GPATCH8: variants seen among roughly 807,000 people sequenced by gnomAD.
GPATCH8 encodes the protein G-patch domain containing 8.
In GPATCH8, 18 loss-of-function variants were observed where a neutral mutation model predicts 118.3. The ratio of observed to expected loss-of-function variants is 0.15; its 90% confidence interval spans 0.11 to 0.23. The LOEUF is 0.23. GPATCH8 is among the 10% of genes least tolerant of loss of function. The probability of loss-of-function intolerance (pLI) is 1.00; values close to 1 mark genes in which losing one functional copy is unlikely to be tolerated. For missense variants in GPATCH8, 1,631 were observed against 1,873.8 expected (o/e 0.87, Z 2.39); for synonymous variants, 659 against 684.7 (o/e 0.96, Z 0.59).
chr17:44,408,942 T>G (rs116606536), intron 6 of GPATCH8: 1 of 152,192 alleles, frequency 6.6e-6, no homozygotes, highest in Admixed American at 6.5e-5. Context: ...AAAAGCAGAA[T>G]TGAGAACCCC....
intron 1 of GPATCH8, among the ~76,000 whole-genome samples, chr17:44,492,105 G>C (rs1165251725): frequency 2.0e-5 from 3 of 151,870 alleles, no homozygotes; most frequent in Non-Finnish European, 2.9e-5. Context: ...TTCAAGACCA[G>C]CCTGGCCAAC....
At chr17:44,493,998 A>T (rs1969480423) in intron 1 of GPATCH8, among the ~76,000 whole-genome samples, 1 of 152,124 alleles carries the variant, frequency 6.6e-6, no homozygotes, top group Admixed American at 6.5e-5. Flanking sequence ...TCAGTTCCTT[A>T]ACTTCCTTTC....
chr17:44,409,202 C>A (rs922818257), intron 6 of GPATCH8: 1 of 152,268 alleles, frequency 6.6e-6, no homozygotes, highest in Non-Finnish European at 1.5e-5. Flanking sequence ...ACTTGGTTGG[C>A]CCCCAGCTCC....
chr17:44,492,711 T>TA (rs1280008787), intron 1 of GPATCH8, among the ~76,000 whole-genome samples: 2 of 152,292 alleles, frequency 1.3e-5, no homozygotes, highest in East Asian at 3.9e-4. Context: ...CAACAAACAG[T>TA]AGCTGATACT....
At chr17:44,407,649 T>C (rs1042784457) in intron 6 of GPATCH8, among the ~76,000 whole-genome samples, 1 of 144,546 alleles carries the variant, frequency 6.9e-6, no homozygotes, top group Admixed American at 7.6e-5. Context: ...TTAGTGCCCA[T>C]AATTAAGATT....
At chr17:44,483,235 C>G (rs535679022) in intron 1 of GPATCH8, among the ~76,000 whole-genome samples, 2 of 100,278 alleles carry the variant, frequency 2.0e-5, no homozygotes, top group African/African-American at 7.4e-5. Context: ...CCTCTCATAT[C>G]TCTTAGACAC....
intron 6 of GPATCH8, among the ~76,000 whole-genome samples, chr17:44,410,988 C>G (rs545676668): frequency 6.6e-6 from 1 of 152,176 alleles, no homozygotes; most frequent in African/African-American, 2.4e-5. Context: ...TTACTGTGGA[C>G]ACAAAGTATT....
intron 1 of GPATCH8, among the ~76,000 whole-genome samples, chr17:44,497,711 G>T (rs1011575418): frequency 2.6e-5 from 4 of 152,062 alleles, no homozygotes; most frequent in African/African-American, 9.7e-5. Flanking sequence ...GGGCTGAGGT[G>T]GGAGGATCGC....
At chr17:44,434,338 A>G (rs2050423348) in intron 5 of GPATCH8, among the ~76,000 whole-genome samples, 1 of 152,060 alleles carries the variant, frequency 6.6e-6, no homozygotes, top group Non-Finnish European at 1.5e-5. Flanking sequence ...AAAGAAGATG[A>G]GTTGGTTATA....
intron 3 of GPATCH8, among the ~76,000 whole-genome samples, chr17:44,446,457 C>T (rs919042786): frequency 5.3e-5 from 8 of 151,966 alleles, no homozygotes; most frequent in African/African-American, 1.7e-4. Context: ...CCCAGCTACT[C>T]GGGAGGCTGA....
At chr17:44,453,179 G>C (rs549503136) in intron 3 of GPATCH8, among the ~76,000 whole-genome samples, 1 of 152,246 alleles carries the variant, frequency 6.6e-6, no homozygotes, top group East Asian at 1.9e-4. Context: ...TCTGATCAAG[G>C]TGTCTTTGGC....
chr17:44,414,869 A>G (rs1452412281), intron 6 of GPATCH8, among the ~76,000 whole-genome samples: 1 of 152,204 alleles, frequency 6.6e-6, no homozygotes, highest in Non-Finnish European at 1.5e-5. Flanking sequence ...TTCACTTAGC[A>G]TACTATTTTC....
At position 44,395,830 on chromosome 17, in the gene GPATCH8, T is replaced by TTA; in HGVS notation, c.*1737_*1738insTA. The TTA allele has an allele frequency of 4.4e-6, 2 of 454,066 alleles. No individual in the cohort carries two copies. The highest frequency in any genetic ancestry group is 8.8e-6 in the Non-Finnish European group (2 of 226,784). 28.1% of individuals were successfully genotyped at this position (454,066 alleles called of 1,614,324 possible). ...ACGAATAGTTAGGAAAATGCCAAAG[T>TTA]GGGAATTGTTAACCTCATCAAAGGA... On this transcript the variant is annotated 3_prime_UTR_variant, in exon 8 of 8. Coordinates refer to ENST00000591680, the MANE Select transcript of GPATCH8 (RefSeq NM_001002909.4).
intron 1 of GPATCH8, among the ~76,000 whole-genome samples, 158 bp from the exon 2 acceptor site, chr17:44,475,061 C>T (rs180904357): frequency 1.2e-3 from 189 of 152,132 alleles, no homozygotes; most frequent in Non-Finnish European, 1.9e-3. Flanking sequence ...CAAAACCACA[C>T]CACAAATTCC....
chr17:44,399,769 C>T lies in GPATCH8; in HGVS notation c.2308G>A (p.Asp770Asn). The change falls in exon 8 of 8, where the codon GAT becomes AAT. Residue 770 changes from aspartate to asparagine, a missense_variant. By Grantham distance (23) the Asp-to-Asn change is conservative. This residue lies in a region of GPATCH8 where 922 missense variants were observed against 879.7 expected (regional missense o/e 1.05). Coordinates refer to ENST00000591680, the MANE Select transcript of GPATCH8 (RefSeq NM_001002909.4). ...PAEEGSSGKK[D>N]EGGGGSSSQD... Reference sequence around the variant, plus strand: ...GAGCTGCTACCACCCCCACCTTCATCCTTTTTGCCACTGCTCCCCTCTTCA... The same window carrying T: ...GAGCTGCTACCACCCCCACCTTCATTCTTTTTGCCACTGCTCCCCTCTTCA... 1 of 1,613,816 alleles carries T rather than the reference C, an allele frequency of 6.2e-7. No homozygotes were observed. Among genetic ancestry groups the T allele is most frequent in the Non-Finnish European group, 8.5e-7 (1 of 1,179,912 alleles).
chr17:44,462,711 G>A (rs1214974388), intron 3 of GPATCH8, among the ~76,000 whole-genome samples: 1 of 152,014 alleles, frequency 6.6e-6, no homozygotes, highest in Non-Finnish European at 1.5e-5. Context: ...GGCCAGGCGC[G>A]GTGGCTCACA....
chr17:44,396,515 A>C lies in GPATCH8; in HGVS notation c.*1053T>G, dbSNP rs915864890. 4.4e-6 allele frequency: 2 copies of C among 452,652 alleles called. No homozygotes were observed. Among genetic ancestry groups the C allele is most frequent in the African/African-American group, 4.0e-5 (2 of 49,880 alleles). 28.0% of individuals were successfully genotyped at this position (452,652 alleles called of 1,614,324 possible). ...AGTTCATAACTTCAAAAAATACATA[A>C]GTTTGGTAAAATATACATGCTTAGT... On this transcript the variant is annotated 3_prime_UTR_variant, in exon 8 of 8. Coordinates refer to ENST00000591680, the MANE Select transcript of GPATCH8 (RefSeq NM_001002909.4).
intron 6 of GPATCH8, among the ~76,000 whole-genome samples, chr17:44,423,231 C>T (rs916342631): frequency 3.3e-5 from 5 of 152,128 alleles, no homozygotes; most frequent in African/African-American, 9.7e-5. Context: ...AAGAGCAAAA[C>T]TCCGTCTCAA....
intron 1 of GPATCH8, among the ~76,000 whole-genome samples, chr17:44,502,081 T>G (rs995204356): frequency 6.6e-6 from 1 of 152,182 alleles, no homozygotes; most frequent in Non-Finnish European, 1.5e-5. Flanking sequence ...CAAGGCTTTT[T>G]AACAGCCCCC....
Sources: gnomAD v4.1 joint callset for allele counts (sites outside exome capture counted in the v4.1 genomes callset) on GRCh38, gnomAD v4.1.1 for gene constraint, gnomAD v4.1.1 regional missense constraint, MANE v1.5 for transcripts, NCBI Gene and HGNC (gene_info 2026-07-23, HGNC 2026-07-21) for gene names.